The following IQCM variants were observed in gnomAD, a reference collection of about 807,000 sequenced individuals.
IQCM encodes IQ motif containing M, also known as IQ domain-containing protein M.
A neutral mutation model predicts 57.6 loss-of-function variants in IQCM; 45 were observed. That is an observed-to-expected ratio of 0.78 (90% CI 0.62 to 1.00). The LOEUF (loss-of-function observed/expected upper bound fraction) is 1.00, where lower values mean the gene tolerates loss of function less well. IQCM is among the 50% of genes least tolerant of loss of function. The pLI is 0.00. For synonymous variants in IQCM, 148 were observed against 158.9 expected (o/e 0.93, Z 0.51); for missense variants, 468 against 511.6 (o/e 0.91, Z 0.82).
At chr4:149,393,311 A>G (rs968454640) in intron 13 of IQCM, among the ~76,000 whole-genome samples, 1 of 152,048 alleles carries the variant, frequency 6.6e-6, no homozygotes, top group Non-Finnish European at 1.5e-5. Context: ...AGCAAAATAG[A>G]TACTGTTGAG....
rs10030841 is a variant in IQCM at position 149,813,454 on chromosome 4, C to T, written c.-49+1857G>A. On this transcript the variant is annotated intron_variant, in intron 2 of 13. Transcript: ENST00000636793. ...GACAAGAAGTAATTGAAGTACTACA[C>T]CCAAGAAAGCTCAATCTTAAGTCAG... Among the ~76,000 whole-genome samples the T allele has an allele frequency of 4.6e-5, 7 of 151,996 alleles. No individual in the cohort carries two copies. In the East Asian group the frequency reaches 1.4e-3, roughly 29 times the overall value.
At chr4:149,555,729 G>C (rs1159079184) in intron 10 of IQCM, among the ~76,000 whole-genome samples, 2 of 152,082 alleles carry the variant, frequency 1.3e-5, no homozygotes, top group Non-Finnish European at 2.9e-5. Context: ...GCAGTTTTTT[G>C]ACTGTATCTT....
chr4:149,742,590 A>G, intron 3 of IQCM, 65 bp downstream of exon 3: 1 of 933,750 alleles, frequency 1.1e-6, no homozygotes, highest in Non-Finnish European at 1.4e-6. Context: ...AATTAATAGA[A>G]AAGAGTGGTT....
chr4:149,387,044 C>A (rs747314974), intron 13 of IQCM, among the ~76,000 whole-genome samples: 5 of 152,014 alleles, frequency 3.3e-5, no homozygotes, highest in Non-Finnish European at 5.9e-5. Flanking sequence ...GTGTCTTAGT[C>A]CATTCAGGCT....
At chr4:149,366,424 A>G (rs573290662) in intron 13 of IQCM, among the ~76,000 whole-genome samples, 1 of 151,812 alleles carries the variant, frequency 6.6e-6, no homozygotes, top group Admixed American at 6.6e-5. Context: ...AAAACTTCCC[A>G]TATCTCTTTT....
chr4:149,636,389 G>A (rs771323853), intron 7 of IQCM, among the ~76,000 whole-genome samples: 7 of 152,138 alleles, frequency 4.6e-5, no homozygotes, highest in Non-Finnish European at 8.8e-5. Context: ...CTACTCTTAC[G>A]TAGGGCTTCC....
Position 149,663,827 on chromosome 4 carries a change from T to C in IQCM, c.565+18291A>G, listed in dbSNP as rs568723805. Among the ~76,000 whole-genome samples, 5 of 152,276 alleles carry C rather than the reference T, an allele frequency of 3.3e-5. No individual in the cohort carries two copies. The South Asian group carries it at 1.0e-3, about 32-fold the overall frequency. ...AGAGAAGATTTTTGCAGGTTGAATA[T>C]AATTTAGAATTTTTGAAATTCCAGG... On this transcript the variant is annotated intron_variant, in intron 7 of 13. Transcript: ENST00000636793.
chr4:149,560,106 T>C lies in IQCM; in HGVS notation c.948+3586A>G, dbSNP rs375808805. 2.6e-4 allele frequency among the ~76,000 whole-genome samples: 40 copies of C among 152,346 alleles called. 1 individual carries two copies. In the East Asian group the frequency reaches 6.0e-3, roughly 23 times the overall value. On this transcript the variant is annotated intron_variant, in intron 10 of 13. Coordinates refer to ENST00000636793, the MANE Select transcript of IQCM (RefSeq NM_001363507.2). ...CCAAAAAGGTTGGGGATTGCTGCTATACAAGATGACCTGTCCTATAGGCTT... is the reference window on the plus strand; with the variant it reads ...CCAAAAAGGTTGGGGATTGCTGCTACACAAGATGACCTGTCCTATAGGCTT...
intron 5 of IQCM, among the ~76,000 whole-genome samples, chr4:149,704,582 G>C (rs187970407): frequency 6.6e-6 from 1 of 151,786 alleles, no homozygotes; most frequent in Admixed American, 6.6e-5. Context: ...TGAAGGAAAA[G>C]TTCTCCGGAC....
chr4:149,704,014 G>A (rs891021453), intron 5 of IQCM, among the ~76,000 whole-genome samples: 6 of 151,830 alleles, frequency 4.0e-5, no homozygotes, highest in Non-Finnish European at 8.8e-5. Flanking sequence ...AGTGTGAAAA[G>A]GTGGAGCAGG....
chr4:149,596,256 A>C (rs1315016138), intron 8 of IQCM, among the ~76,000 whole-genome samples: 1 of 152,190 alleles, frequency 6.6e-6, no homozygotes, highest in Non-Finnish European at 1.5e-5. Context: ...TCATAGTAAC[A>C]AATCTCAACA....
rs563793171 is a variant in IQCM at position 149,395,644 on chromosome 4, A to G, written c.1390+37752T>C. ...GACATGTGGTTGTCTTTGCCAAAGA[A>G]AAAGAATGAATCTAATGTTATTCTA... On this transcript the variant is annotated intron_variant, in intron 13 of 13. Transcript: ENST00000636793. Among the ~76,000 whole-genome samples, 77 of 152,136 alleles carry G rather than the reference A, an allele frequency of 5.1e-4. 1 individual carries two copies. The South Asian group carries it at 0.016, about 32-fold the overall frequency.
intron 11 of IQCM, among the ~76,000 whole-genome samples, chr4:149,550,574 T>C (rs1393278065): frequency 1.3e-5 from 2 of 152,196 alleles, no homozygotes; most frequent in Admixed American, 6.5e-5. Flanking sequence ...AACCTGTATA[T>C]TATGCCCTAT....
chr4:149,651,776 G>A (rs957782659), intron 7 of IQCM, among the ~76,000 whole-genome samples: 2 of 152,126 alleles, frequency 1.3e-5, no homozygotes, highest in African/African-American at 2.4e-5. Context: ...ACTTAGAATG[G>A]CTGTCCTTAA....
At chr4:149,685,441 C>T (rs115809650) in intron 6 of IQCM, among the ~76,000 whole-genome samples, 3,796 of 151,484 alleles carry the variant, frequency 0.025, 95 homozygotes, top group South Asian at 0.071. Flanking sequence ...ATGGGTATAA[C>T]CAAACCTTTA....
chr4:149,736,930 C>T (rs1490499734), intron 3 of IQCM, among the ~76,000 whole-genome samples: 2 of 152,092 alleles, frequency 1.3e-5, no homozygotes, highest in Admixed American at 6.6e-5. Flanking sequence ...AAATTGAAAA[C>T]AGCCCAGATA....
intron 13 of IQCM, among the ~76,000 whole-genome samples, chr4:149,382,821 C>A (rs1731168747): frequency 6.6e-6 from 1 of 151,912 alleles, no homozygotes; most frequent in Non-Finnish European, 1.5e-5. Flanking sequence ...TTCAGTGATG[C>A]CAAAGGCAGA....
chr4:149,589,680 T>C (rs544082796), intron 8 of IQCM, among the ~76,000 whole-genome samples: 1 of 152,084 alleles, frequency 6.6e-6, no homozygotes, highest in South Asian at 2.1e-4. Context: ...ACCCGGAAAA[T>C]TGTTGTGCAT....
intron 5 of IQCM, among the ~76,000 whole-genome samples, chr4:149,696,445 T>C (rs1464839799): frequency 3.9e-5 from 6 of 152,110 alleles, no homozygotes; most frequent in Non-Finnish European, 8.8e-5. Context: ...AGCCTTTTTG[T>C]TTATGTTAAC....
Sources: gnomAD v4.1 joint callset for allele counts (sites outside exome capture counted in the v4.1 genomes callset) on GRCh38, gnomAD v4.1.1 for gene constraint, MANE v1.5 for transcripts, NCBI Gene and HGNC (gene_info 2026-07-23, HGNC 2026-07-21) for gene names.